The following AARS2 variants were observed in gnomAD, a reference collection of about 807,000 sequenced individuals.
The protein encoded by AARS2 is alanyl-tRNA synthetase 2, mitochondrial, also known as alanine--tRNA ligase, mitochondrial.
AARS2 carries 78 observed loss-of-function variants against 119.7 expected under a neutral mutation model. The observed-to-expected ratio is 0.65, with a 90% CI of 0.54 to 0.79. AARS2 has a LOEUF of 0.79. AARS2 is among the 30% of genes least tolerant of loss of function. The pLI is 0.00. For missense variants in AARS2, 1,157 were observed against 1,291.3 expected, an observed-to-expected ratio of 0.90 and a Z score of 1.59; for synonymous variants, 502 against 526.3, an observed-to-expected ratio of 0.95 and a Z score of 0.63.
Position 44,303,286 on chromosome 6 carries a change from C to G in AARS2, c.2145G>C (p.Glu715Asp), listed in dbSNP as rs1449699626. ...AQVPGLRSLD[E>D]VYPDPVRVVS... The stretch of plus-strand genomic sequence containing the variant: ...CAGCAAAAGGGCTTCCCCAACTCAC[C>G]TCATCCAGAGAGCGCAGGCCAGGGA... Residue 715 changes from glutamate (E) to aspartate (D), a missense_variant and splice_region_variant, in exon 15 of 22, where the codon GAG becomes GAC. By Grantham distance (45) the Glu-to-Asp change is conservative (BLOSUM62 2). Coordinates refer to ENST00000244571, the MANE Select transcript of AARS2 (RefSeq NM_020745.4). The G allele has an allele frequency of 6.2e-7, 1 of 1,614,144 alleles. No homozygotes were observed. The highest frequency in any genetic ancestry group is 1.7e-5 in the Admixed American group (1 of 60,030).
In AARS2 at chr6:44,303,116, G is replaced by C. The variant is rs372806295; in HGVS notation, c.2205C>G (p.Asp735Glu). Residue 735 changes from aspartate to glutamate, a missense_variant, in exon 16 of 22, where the codon GAC (aspartate) becomes GAG (glutamate). Transcript: ENST00000244571. Reference protein sequence around the residue: ...SVGVPVAHALDPASQAALQTS... With the variant: ...SVGVPVAHALEPASQAALQTS... Reference sequence around the variant, plus strand: ...TCTGCAGTGCGGCTTGGGAGGCTGGGTCCAATGCATGGGCCACGGGCACCC... The same window carrying C: ...TCTGCAGTGCGGCTTGGGAGGCTGGCTCCAATGCATGGGCCACGGGCACCC... 6.2e-7 allele frequency: 1 copy of C among 1,614,136 alleles called. No homozygotes were observed. The highest frequency in any genetic ancestry group is 1.3e-5 in the African/African-American group (1 of 75,052).
chr6:44,307,592 A>G lies in AARS2; in HGVS notation c.895-198T>C. 1 of 649,134 alleles carries G rather than the reference A, an allele frequency of 1.5e-6. No homozygotes were observed. The highest frequency in any genetic ancestry group is 2.7e-5 in the East Asian group (1 of 36,396). 40.2% of individuals were successfully genotyped at this position (649,134 alleles called of 1,614,324 possible). ...CCTCACGGGGCTCATATTTGGTGCT[A>G]CAAGTGAACATATCTGTGACCATTT... On this transcript the variant is annotated intron_variant, in intron 5 of 21. Coordinates refer to ENST00000244571, the MANE Select transcript of AARS2 (RefSeq NM_020745.4). This position sits in a 1 kb window ranked among gnomAD's most constrained non-coding sequence, Gnocchi z 4.4.
At position 44,313,296 on chromosome 6, in the gene AARS2, G is replaced by A. The variant is rs570367042; in HGVS notation, c.28C>T (p.Arg10Trp). 2 of 1,600,070 alleles carry A rather than the reference G, an allele frequency of 1.2e-6. No homozygotes were observed. Among genetic ancestry groups the A allele is most frequent in the South Asian group, 2.2e-5 (2 of 90,360 alleles). Residue 10 changes from arginine to tryptophan, a missense_variant, in exon 1 of 22, where the codon CGG (arginine) becomes TGG (tryptophan). By Grantham distance (101) the Arg-to-Trp change is moderately radical (BLOSUM62 -3). Transcript: ENST00000244571. MAASVAAAA[R>W]RLRRAIRRSP... is the part of the protein sequence containing the mutation. ...CTTCGAATGGCCCGCCGCAGCCTCC[G>A]GGCTGCAGCTGCCACTGACGCTGCC...
chr6:44,308,265 C>T (rs1381363758), intron 5 of AARS2, among the ~76,000 whole-genome samples: 3 of 152,148 alleles, frequency 2.0e-5, no homozygotes, highest in African/African-American at 4.8e-5. Context: ...AGGCTGGGCG[C>T]GGTGGCTCAC....
intron 7 of AARS2, 114 bp from the exon 8 acceptor site, chr6:44,306,646 GC>G (rs1246175338): frequency 1.6e-6 from 2 of 1,274,308 alleles, no homozygotes; most frequent in East Asian, 4.6e-5. Context: ...ACATTGAGGG[GC>G]TGGGAGAGGG....
Position 44,304,260 on chromosome 6 carries a change from C to T in AARS2, c.1928G>A (p.Arg643Lys), listed in dbSNP as rs895196939. 75 of 1,614,176 alleles carry T rather than the reference C, an allele frequency of 4.6e-5. No individual in the cohort carries two copies. The highest frequency in any genetic ancestry group is 6.2e-5 in the Non-Finnish European group (73 of 1,180,024). ...TATHLLNWAL[R>K]QTLGPGTEQQ... is the part of the protein sequence containing the mutation. ...CTCTGTGCCAGGGCCCAGGGTCTGCCTCAGTGCCCAGTTCAGCAGGTGGGT... is the reference window on the plus strand; with the variant it reads ...CTCTGTGCCAGGGCCCAGGGTCTGCTTCAGTGCCCAGTTCAGCAGGTGGGT... Residue 643 changes from arginine (R) to lysine (K), a missense_variant, in exon 14 of 22, where the codon AGG becomes AAG. Coordinates refer to ENST00000244571, the MANE Select transcript of AARS2 (RefSeq NM_020745.4).
chr6:44,301,316 C>T (rs1374221931), intron 20 of AARS2, 50 bp from the exon 21 acceptor site: 1 of 1,613,168 alleles, frequency 6.2e-7, no homozygotes, highest in Non-Finnish European at 8.5e-7. Context: ...AGACCCCTAG[C>T]TGTCTCCTGG....
At position 44,304,160 on chromosome 6, in the gene AARS2, GTCTT is replaced by G; in HGVS notation, c.2007+17_2007+20del. ...ATGCCTGTCACCTCACATGAAGCCT[GTCTT>G]TCTATGCCGGGCTCACCTGGGTGGT... On this transcript the variant is annotated intron_variant, in intron 14 of 21. Coordinates refer to ENST00000244571, the MANE Select transcript of AARS2 (RefSeq NM_020745.4). 6.2e-7 allele frequency: 1 copy of G among 1,612,536 alleles called. No homozygotes were observed. The highest frequency in any genetic ancestry group is 8.5e-7 in the Non-Finnish European group (1 of 1,180,008).
In AARS2 at chr6:44,313,131, G is replaced by A. The variant is rs1292869675; in HGVS notation, c.193C>T (p.Arg65Trp). The change falls in exon 1 of 22, where the codon CGG becomes TGG. Residue 65 changes from arginine (R) to tryptophan (W), a missense_variant. Physicochemically the swap from Arg to Trp is moderately radical, Grantham distance 101 (BLOSUM62 -3). Transcript: ENST00000244571. Reference sequence around the variant, plus strand: ...AGCAAACTGGGGTCGCCGCGGGGCCGCACGGAAGCGGAGGGCACCAGCCGG... The same window carrying A: ...AGCAAACTGGGGTCGCCGCGGGGCCACACGGAAGCGGAGGGCACCAGCCGG... ...GHRLVPSASV[R>W]PRGDPSLLFV... 1.9e-6 allele frequency: 3 copies of A among 1,611,810 alleles called. No homozygotes were observed. The highest frequency in any genetic ancestry group is 4.5e-5 in the East Asian group (2 of 44,814).
At chr6:44,301,541 C>T in intron 19 of AARS2, 77 bp from the exon 20 acceptor site, 1 of 1,377,698 alleles carries the variant, frequency 7.3e-7, no homozygotes, top group Non-Finnish European at 1.0e-6. Context: ...CTGAACTAAG[C>T]CCCAGCTGAG....
At position 44,304,431 on chromosome 6, in the gene AARS2, G is replaced by A; in HGVS notation, c.1855C>T (p.His619Tyr). ...GGGAGGATCCTTACCTCATCCACATGCAGCTGCACCTGGTCCCCTAACCGC... is the reference window on the plus strand; with the variant it reads ...GGGAGGATCCTTACCTCATCCACATACAGCTGCACCTGGTCCCCTAACCGC... ...CLRLGDQVQL[H>Y]VDEAWRLGCM... The change falls in exon 13 of 22, where the codon CAT becomes TAT. Residue 619 changes from histidine (H) to tyrosine (Y), a missense_variant. Physicochemically the swap from His to Tyr is moderately conservative, Grantham distance 83 (BLOSUM62 2). Transcript: ENST00000244571. 2 of 1,614,202 alleles carry A rather than the reference G, an allele frequency of 1.2e-6. No homozygotes were observed. Among genetic ancestry groups the A allele is most frequent in the Non-Finnish European group, 1.7e-6 (2 of 1,180,028 alleles).
At chr6:44,304,053 C>CTG in intron 14 of AARS2, 128 bp downstream of exon 14, 1 of 1,376,984 alleles carries the variant, frequency 7.3e-7, no homozygotes, top group Non-Finnish European at 1.0e-6. Flanking sequence ...TGCCCAGGGT[C>CTG]CCATAGTGAT....
At chr6:44,308,622 T>C (rs910443210) in intron 5 of AARS2, among the ~76,000 whole-genome samples, 1 of 152,060 alleles carries the variant, frequency 6.6e-6, no homozygotes, top group African/African-American at 2.4e-5. Flanking sequence ...TTTTTTGAGA[T>C]GAACTCTCAC....
rs202221706 is a variant in AARS2 at position 44,311,099 on chromosome 6, G to A, written c.644C>T (p.Thr215Ile). The A allele has an allele frequency of 1.9e-6, 3 of 1,614,100 alleles. No homozygotes were observed. The highest frequency in any genetic ancestry group is 2.5e-6 in the Non-Finnish European group (3 of 1,180,038). ...CTCAGTACAGGGCCCACAAGGGCCA[G>A]TATCCCCCATCTCCCAGAAGTTCTC... ...PQENFWEMGD[T>I]GPCGPCTEIH... The change falls in exon 4 of 22, where the codon ACT becomes ATT. Residue 215 changes from threonine (T) to isoleucine (I), a missense_variant. Physicochemically the swap from Thr to Ile is moderately conservative, Grantham distance 89 (BLOSUM62 -1). Transcript: ENST00000244571.
At chr6:44,301,939 G>A (rs1785391057) in intron 19 of AARS2, 121 bp downstream of exon 19, 1 of 986,066 alleles carries the variant, frequency 1.0e-6, no homozygotes, top group Non-Finnish European at 1.6e-6. Flanking sequence ...GGAGAAGGAA[G>A]CTGCCACCAC....
At position 44,305,518 on chromosome 6, in the gene AARS2, A is replaced by C. The variant is rs531535020; in HGVS notation, c.1434+135T>G. 2.8e-6 allele frequency: 4 copies of C among 1,415,652 alleles called. No individual in the cohort carries two copies. The South Asian group carries it at 5.0e-5, about 18-fold the overall frequency. The allele number at this position is 1,415,652 out of a possible 1,614,324, so 87.7% of individuals were successfully genotyped here. A position where few individuals can be genotyped will look rare whatever the true frequency, so the allele number is the denominator to read the frequency against. On this transcript the variant is annotated intron_variant, in intron 10 of 21. Transcript: ENST00000244571. This position sits in a 1 kb window ranked among gnomAD's most constrained non-coding sequence, Gnocchi z 4.6. ...ACTGGTTGTGGCCTGAGGTTTTAGA[A>C]ACCTCCCAGGTGAGGGGACAGATCC... is the stretch of plus-strand genomic sequence containing the variant.
intron 21 of AARS2, 38 bp from the exon 22 acceptor site, chr6:44,300,749 G>A (rs1785286716): frequency 6.2e-7 from 1 of 1,603,308 alleles, no homozygotes; most frequent in African/African-American, 1.3e-5. Flanking sequence ...ATGCAGAGTG[G>A]CCCTCCCTGC....
rs150184415 is a variant in AARS2 at position 44,306,509 on chromosome 6, T to C, written c.1173A>G (p.Gln391=). 255 of 1,614,116 alleles carry C rather than the reference T, an allele frequency of 1.6e-4. No homozygotes were observed. In the African/African-American group the frequency reaches 3.1e-3, roughly 20 times the overall value. The change falls in exon 8 of 22, where the codon CAA becomes CAG. Residue 391 remains glutamine, a synonymous_variant. Coordinates refer to ENST00000244571, the MANE Select transcript of AARS2 (RefSeq NM_020745.4). ...AATCCAGTACCTGGGCTGAGTTCCT[T>C]TGCAGTTCTGGATAAGCATCTCCCT... ...ETLGDAYPEL[Q]RNSAQIANLV...
chr6:44,309,345 A>T (rs1786154694), intron 5 of AARS2, among the ~76,000 whole-genome samples: 1 of 152,126 alleles, frequency 6.6e-6, no homozygotes, highest in South Asian at 2.1e-4. Context: ...CTCACACAAG[A>T]CCAAAGAATG....
Sources: gnomAD v4.1 joint callset for allele counts (sites outside exome capture counted in the v4.1 genomes callset) on GRCh38, gnomAD v4.1.1 for gene constraint, Gnocchi (gnomAD v3.1) non-coding constraint, MANE v1.5 for transcripts, NCBI Gene and HGNC (gene_info 2026-07-23, HGNC 2026-07-21) for gene names.